Variants in RPIA observed in about 807,000 individuals in gnomAD.
RPIA encodes the protein ribose-5-phosphate isomerase.
RPIA carries 29 observed loss-of-function variants against 37.8 expected under a neutral mutation model. That is an observed-to-expected ratio of 0.77 (90% confidence interval 0.57 to 1.05). RPIA has a LOEUF of 1.05. Among genes scored for constraint, RPIA ranks in the 50% least tolerant of loss-of-function variants. RPIA has a pLI of 0.00. For synonymous variants in RPIA, 167 were observed against 157.0 expected (o/e 1.06, Z -0.48); for missense variants, 385 against 413.6 (o/e 0.93, Z 0.60).
intron 3 of RPIA, among the ~76,000 whole-genome samples, chr2:88,715,075 C>T (rs1369816279): frequency 1.3e-5 from 2 of 152,224 alleles, no homozygotes; most frequent in African/African-American, 4.8e-5. Context: ...CACAGCAAGT[C>T]AATACGCAGA....
intron 3 of RPIA, among the ~76,000 whole-genome samples, chr2:88,722,913 A>G (rs1032540192): frequency 6.6e-6 from 1 of 152,230 alleles, no homozygotes; most frequent in East Asian, 1.9e-4. Context: ...AGAAGGAGGT[A>G]TAGGGTGGAA....
intron 7 of RPIA, among the ~76,000 whole-genome samples, chr2:88,737,280 A>G (rs558016290): frequency 3.3e-5 from 5 of 152,234 alleles, no homozygotes; most frequent in Non-Finnish European, 7.3e-5. Flanking sequence ...AACCACAGTT[A>G]CATATGTAAC....
intron 6 of RPIA, 90 bp downstream of exon 6, chr2:88,735,827 GCTGCAGGGACTGT>G (rs1673308568): frequency 8.0e-7 from 1 of 1,250,962 alleles, no homozygotes; most frequent in African/African-American, 1.5e-5. Flanking sequence ...GAAATGGAGA[GCTGCAGGGACTGT>G]CTGACTTTCT....
rs774544190 is a variant in RPIA, at chr2:88,691,908, G to A, written c.210G>A (p.Pro70=). The stretch of plus-strand genomic sequence containing the variant: ...GCGGGGACTCCAACAGCATCTGCCC[G>A]GCCCCCTCCACGATGTCCAAGGCCG... ...TSCGDSNSIC[P]APSTMSKAEE... is the part of the protein sequence containing the mutation. Residue 70 remains proline (P), a synonymous_variant, in exon 1 of 9, where the codon CCG becomes CCA. Coordinates refer to ENST00000283646, the MANE Select transcript of RPIA (RefSeq NM_144563.3). 4.3e-5 allele frequency: 69 copies of A among 1,594,538 alleles called. No individual in the cohort carries two copies. Among genetic ancestry groups the A allele is most frequent in the Non-Finnish European group, 5.4e-5 (63 of 1,171,620 alleles).
At chr2:88,702,634 A>C (rs1258825686) in intron 3 of RPIA, among the ~76,000 whole-genome samples, 5 of 152,178 alleles carry the variant, frequency 3.3e-5, no homozygotes, top group Admixed American at 3.3e-4. Flanking sequence ...CCACCAGGTC[A>C]CTCCCACAAC....
chr2:88,710,011 A>AGGAG (rs1324466321), intron 3 of RPIA, among the ~76,000 whole-genome samples: 1 of 152,096 alleles, frequency 6.6e-6, no homozygotes, highest in African/African-American at 2.4e-5. Context: ...CTGTGGGTAG[A>AGGAG]GGAGGGAGTA....
At chr2:88,722,898 G>A (rs1673151749) in intron 3 of RPIA, among the ~76,000 whole-genome samples, 2 of 152,200 alleles carry the variant, frequency 1.3e-5, no homozygotes, top group Admixed American at 6.5e-5. Context: ...GATGGCAAAG[G>A]GGGAAGAAGG....
intron 3 of RPIA, among the ~76,000 whole-genome samples, chr2:88,717,823 G>A (rs763869665): frequency 1.2e-4 from 19 of 152,114 alleles, no homozygotes; most frequent in Non-Finnish European, 2.2e-4. Context: ...TTAGCAGGTC[G>A]TGAAGTCTCA....
intron 3 of RPIA, among the ~76,000 whole-genome samples, chr2:88,701,403 A>G (rs1361539091): frequency 6.6e-6 from 1 of 152,102 alleles, no homozygotes; most frequent in Non-Finnish European, 1.5e-5. Flanking sequence ...TAGTTAATAA[A>G]TTACATTGGT....
At chr2:88,697,621 G>T (rs1031611268) in intron 1 of RPIA, among the ~76,000 whole-genome samples, 4 of 152,030 alleles carry the variant, frequency 2.6e-5, no homozygotes, top group African/African-American at 9.7e-5. Context: ...TTCTTGTTTG[G>T]TCTGCTTGTA....
intron 8 of RPIA, among the ~76,000 whole-genome samples, chr2:88,744,595 T>G (rs544344367): frequency 2.6e-4 from 39 of 152,350 alleles, no homozygotes; most frequent in African/African-American, 9.1e-4. Context: ...AGTGGAGTAC[T>G]TAAGTCTCCC....
At chr2:88,710,532 ACTAT>A (rs1204118740) in intron 3 of RPIA, among the ~76,000 whole-genome samples, 1 of 152,108 alleles carries the variant, frequency 6.6e-6, no homozygotes, top group Non-Finnish European at 1.5e-5. Context: ...CATTGTAGTA[ACTAT>A]CCCATTCTTT....
intron 3 of RPIA, among the ~76,000 whole-genome samples, chr2:88,722,606 T>A (rs1673147701): frequency 6.6e-6 from 1 of 152,208 alleles, no homozygotes; most frequent in Non-Finnish European, 1.5e-5. Context: ...TAGTTTAGCT[T>A]TGAAACAAAG....
chr2:88,701,598 T>A lies in RPIA; in HGVS notation c.402+1534T>A, dbSNP rs566846442. Among the ~76,000 whole-genome samples the A allele has an allele frequency of 0.016, 3 of 184 alleles. No individual in the cohort carries two copies. In the South Asian group the frequency reaches 0.3, roughly 18 times the overall value. 0.1% of individuals were successfully genotyped at this position (184 alleles called of 152,430 possible). A position where few individuals can be genotyped will look rare whatever the true frequency, so the allele number is the denominator to read the frequency against. Reference sequence around the variant, plus strand: ...TCTTGCTCTTTACATGGACATACTTTTAGCTCTTTTAGGTGATTGGATATT... The same window carrying A: ...TCTTGCTCTTTACATGGACATACTTATAGCTCTTTTAGGTGATTGGATATT... On this transcript the variant is annotated intron_variant, in intron 3 of 8. Coordinates refer to ENST00000283646, the MANE Select transcript of RPIA (RefSeq NM_144563.3).
At chr2:88,724,214 G>A (rs1005953491) in intron 3 of RPIA, among the ~76,000 whole-genome samples, 11 of 152,148 alleles carry the variant, frequency 7.2e-5, no homozygotes, top group Non-Finnish European at 1.3e-4. Context: ...AGTTTCTATG[G>A]CTATCCTCAG....
intron 3 of RPIA, among the ~76,000 whole-genome samples, chr2:88,715,651 A>G (rs966274723): frequency 1.3e-5 from 2 of 152,204 alleles, no homozygotes; most frequent in Non-Finnish European, 2.9e-5. Context: ...CTGGACTTGA[A>G]AATATCACTG....
intron 1 of RPIA, 70 bp from the exon 2 acceptor site, chr2:88,698,414 G>A: frequency 7.6e-7 from 1 of 1,312,072 alleles, no homozygotes; most frequent in South Asian, 1.2e-5. Flanking sequence ...ATAGCTTTAG[G>A]AAGTAGGCTG....
Position 88,750,488 on chromosome 2 carries a change from A to G in RPIA, c.*410A>G, listed in dbSNP as rs540921887. 4.4e-5 allele frequency: 19 copies of G among 430,776 alleles called. No homozygotes were observed. The East Asian group carries it at 5.7e-4, about 13-fold the overall frequency. The allele number at this position is 430,776 out of a possible 1,614,324, so 26.7% of individuals were successfully genotyped here. ...AAGCTGGTAAAGTGAGGGGCCCACC[A>G]GCAGTGATCTCCTGATGCCTTACTG... is the stretch of plus-strand genomic sequence containing the variant. On this transcript the variant is annotated 3_prime_UTR_variant, in exon 9 of 9. Coordinates refer to ENST00000283646, the MANE Select transcript of RPIA (RefSeq NM_144563.3).
chr2:88,708,348 A>G (rs1464725981), intron 3 of RPIA, among the ~76,000 whole-genome samples: 1 of 152,194 alleles, frequency 6.6e-6, no homozygotes, highest in Non-Finnish European at 1.5e-5. Flanking sequence ...GCTGCACAGC[A>G]ATTAGTTAAC....
Sources: gnomAD v4.1 joint callset for allele counts (sites outside exome capture counted in the v4.1 genomes callset) on GRCh38, gnomAD v4.1.1 for gene constraint, MANE v1.5 for transcripts, NCBI Gene and HGNC (gene_info 2026-07-23, HGNC 2026-07-21) for gene names.